Variants in RIT2 observed in about 807,000 individuals in gnomAD.
RIT2 encodes the protein GTP-binding protein Rit2.
A neutral mutation model predicts 23.7 loss-of-function variants in RIT2; 24 were observed. The observed-to-expected ratio is 1.01, with a 90% CI of 0.73 to 1.43. The LOEUF (loss-of-function observed/expected upper bound fraction) is 1.43, where lower values mean the gene tolerates loss of function less well. RIT2 is among the 40% of genes most tolerant of loss of function. The pLI is 0.00. For synonymous variants in RIT2, 107 were observed against 91.1 expected, an observed-to-expected ratio of 1.17 and a Z score of -0.99; for missense variants, 236 against 266.9, an observed-to-expected ratio of 0.88 and a Z score of 0.81.
intron 4 of RIT2, among the ~76,000 whole-genome samples, chr18:42,777,810 A>C (rs1913709394): frequency 6.6e-6 from 1 of 152,212 alleles, no homozygotes; most frequent in Non-Finnish European, 1.5e-5. Context: ...GTTTAACTTA[A>C]ATAGCTAGTA....
At chr18:42,784,809 A>G (rs989674940) in intron 4 of RIT2, among the ~76,000 whole-genome samples, 2 of 152,086 alleles carry the variant, frequency 1.3e-5, no homozygotes, top group Non-Finnish European at 2.9e-5. Flanking sequence ...CTTTAACAAC[A>G]TGATTTATAG....
intron 4 of RIT2, among the ~76,000 whole-genome samples, chr18:42,750,718 C>T (rs1315610389): frequency 1.3e-5 from 2 of 151,696 alleles, no homozygotes; most frequent in Non-Finnish European, 3.0e-5. Context: ...TAAATCTAAC[C>T]AATCAGATGA....
intron 2 of RIT2, among the ~76,000 whole-genome samples, chr18:43,022,936 T>A (rs1035356281): frequency 4.6e-5 from 7 of 152,014 alleles, no homozygotes; most frequent in African/African-American, 1.7e-4. Context: ...GAAAAGAGTG[T>A]TTTTTCGATT....
At position 42,848,982 on chromosome 18, in the gene RIT2, C is replaced by T. The variant is rs564025686; in HGVS notation, c.426+74590G>A. On this transcript the variant is annotated intron_variant, in intron 4 of 4. Transcript: ENST00000326695. Reference sequence around the variant, plus strand: ...ACTTATGAAACTAGATCACAAGAAACCAAAAGGAATACTTTTAAAAAACGA... The same window carrying T: ...ACTTATGAAACTAGATCACAAGAAATCAAAAGGAATACTTTTAAAAAACGA... 2.0e-5 allele frequency among the ~76,000 whole-genome samples: 3 copies of T among 152,194 alleles called. No individual in the cohort carries two copies. In the South Asian group the frequency reaches 6.2e-4, roughly 32 times the overall value.
At chr18:42,907,951 C>A (rs1175338476) in intron 4 of RIT2, among the ~76,000 whole-genome samples, 1 of 150,082 alleles carries the variant, frequency 6.7e-6, no homozygotes, top group Non-Finnish European at 1.5e-5. Flanking sequence ...TGCACTCCAG[C>A]GTGGGTGACA....
chr18:43,112,979 T>C (rs965248844), intron 1 of RIT2, among the ~76,000 whole-genome samples: 2 of 152,184 alleles, frequency 1.3e-5, no homozygotes, highest in Non-Finnish European at 2.9e-5. Flanking sequence ...AATCCCTTCA[T>C]ATACCTCTGT....
At chr18:42,754,163 G>A (rs569882075) in intron 4 of RIT2, among the ~76,000 whole-genome samples, 12 of 152,262 alleles carry the variant, frequency 7.9e-5, no homozygotes, top group Admixed American at 3.9e-4. Context: ...TTCTTAGCAC[G>A]TCCCTCTTTT....
chr18:42,772,015 A>G (rs1358717176), intron 4 of RIT2, among the ~76,000 whole-genome samples: 2 of 152,290 alleles, frequency 1.3e-5, no homozygotes, highest in East Asian at 3.9e-4. Context: ...CAAGCAACTC[A>G]GATCTGCTTC....
intron 3 of RIT2, among the ~76,000 whole-genome samples, chr18:42,942,217 C>G (rs1909620558): frequency 6.6e-6 from 1 of 152,132 alleles, no homozygotes; most frequent in Non-Finnish European, 1.5e-5. Context: ...CCCCAAACCT[C>G]TCCATATGGC....
chr18:43,088,134 C>T (rs1261866754), intron 1 of RIT2, among the ~76,000 whole-genome samples: 8 of 152,068 alleles, frequency 5.3e-5, no homozygotes, highest in Non-Finnish European at 1.2e-4. Context: ...GCGTATTACT[C>T]CCTACACCAT....
chr18:43,102,442 A>G (rs1277815341), intron 1 of RIT2, among the ~76,000 whole-genome samples: 1 of 135,446 alleles, frequency 7.4e-6, no homozygotes, highest in Non-Finnish European at 1.6e-5. Flanking sequence ...CCCTCAGGAA[A>G]CCCTTTTTTT....
intron 1 of RIT2, among the ~76,000 whole-genome samples, chr18:43,076,670 T>G (rs1010002304): frequency 4.6e-5 from 7 of 152,286 alleles, no homozygotes; most frequent in Non-Finnish European, 8.8e-5. Context: ...TCCATAGATA[T>G]GTCTAGCAAC....
intron 3 of RIT2, among the ~76,000 whole-genome samples, chr18:42,950,471 A>G (rs997712729): frequency 1.3e-5 from 2 of 152,136 alleles, no homozygotes; most frequent in Non-Finnish European, 2.9e-5. Context: ...ACCATTCTGG[A>G]CATAGACTTT....
At chr18:43,089,524 T>A (rs566500805) in intron 1 of RIT2, among the ~76,000 whole-genome samples, 3 of 150,894 alleles carry the variant, frequency 2.0e-5, no homozygotes, top group Non-Finnish European at 4.4e-5. Context: ...TAAAAAAAAC[T>A]ATTATAAAAT....
At chr18:42,793,275 T>G (rs1205198681) in intron 4 of RIT2, among the ~76,000 whole-genome samples, 1 of 152,212 alleles carries the variant, frequency 6.6e-6, no homozygotes, top group African/African-American at 2.4e-5. Context: ...TCAAATTTTC[T>G]AAGCTTTTCC....
intron 2 of RIT2, among the ~76,000 whole-genome samples, chr18:42,997,880 G>T (rs1911022202): frequency 1.3e-5 from 2 of 152,242 alleles, no homozygotes; most frequent in Non-Finnish European, 2.9e-5. Flanking sequence ...ATTTAAACAT[G>T]CCTGATGATC....
chr18:43,016,874 A>G (rs1384281897), intron 2 of RIT2, among the ~76,000 whole-genome samples: 1 of 151,934 alleles, frequency 6.6e-6, no homozygotes, highest in East Asian at 1.9e-4. Context: ...CTCCTTAGTC[A>G]CCAGGAACCA....
intron 4 of RIT2, among the ~76,000 whole-genome samples, chr18:42,832,375 T>C (rs537194424): frequency 5.4e-4 from 82 of 152,346 alleles, no homozygotes; most frequent in African/African-American, 1.9e-3. Context: ...AATAAACTTA[T>C]ATAGGCCAGT....
At chr18:42,839,039 T>C (rs556485327) in intron 4 of RIT2, among the ~76,000 whole-genome samples, 17 of 152,112 alleles carry the variant, frequency 1.1e-4, no homozygotes, top group Non-Finnish European at 2.4e-4. Flanking sequence ...ACAAGAGAAA[T>C]GCTAACATGA....
Sources: allele counts gnomAD v4.1 joint callset (sites outside exome capture counted in the v4.1 genomes callset), GRCh38; gene constraint gnomAD v4.1.1; transcripts MANE v1.5; gene names NCBI Gene and HGNC (gene_info 2026-07-23, HGNC 2026-07-21).